Variants in PRMT3 observed in about 807,000 individuals in gnomAD.
The protein encoded by PRMT3 is protein arginine N-methyltransferase 3.
In PRMT3, 62 loss-of-function variants were observed where a neutral mutation model predicts 71.9. That is an observed-to-expected ratio of 0.86 (90% CI 0.70 to 1.07). The LOEUF (loss-of-function observed/expected upper bound fraction) is 1.07, where lower values mean the gene tolerates loss of function less well. Ranked by LOEUF, PRMT3 falls within the 50% of genes least tolerant of loss-of-function variation. The pLI is 0.00. For synonymous variants in PRMT3, 213 were observed against 220.4 expected, an observed-to-expected ratio of 0.97 and a Z score of 0.30; for missense variants, 663 against 643.0, an observed-to-expected ratio of 1.03 and a Z score of -0.34.
chr11:20,418,126 GA>G (rs141459935), intron 9 of PRMT3, among the ~76,000 whole-genome samples: 10,218 of 152,106 alleles, frequency 0.067, 1,086 homozygotes, highest in African/African-American at 0.23. Flanking sequence ...TTTCCCCTCA[GA>G]AAAAGTTGAT....
intron 10 of PRMT3, 57 bp downstream of exon 10, chr11:20,426,922 G>GTAATGAATAAGA (rs1849559937): frequency 6.8e-7 from 1 of 1,461,954 alleles, no homozygotes; most frequent in African/African-American, 1.5e-5. Flanking sequence ...CTTTTTTAAA[G>GTAATGAATAAGA]TAATAGTTTT....
chr11:20,496,643 CAT>C (rs753285938), intron 15 of PRMT3, among the ~76,000 whole-genome samples: 3 of 151,182 alleles, frequency 2.0e-5, no homozygotes, highest in East Asian at 3.9e-4. Context: ...GGGTCAATGT[CAT>C]ATAAAAGACA....
chr11:20,388,927 A>G (rs867311383), intron 2 of PRMT3, among the ~76,000 whole-genome samples: 8 of 152,178 alleles, frequency 5.3e-5, no homozygotes, highest in African/African-American at 1.9e-4. Context: ...TGTTCCCTGT[A>G]TCTGGGCATG....
chr11:20,502,154 C>T (rs774403241), intron 15 of PRMT3, among the ~76,000 whole-genome samples: 11 of 152,168 alleles, frequency 7.2e-5, no homozygotes, highest in African/African-American at 1.9e-4. Flanking sequence ...CAAGTCCATG[C>T]GGCTCAGCTC....
intron 9 of PRMT3, among the ~76,000 whole-genome samples, chr11:20,421,141 T>C (rs202246377): frequency 6.6e-6 from 1 of 152,192 alleles, no homozygotes; most frequent in East Asian, 1.9e-4. Context: ...CAGGCCCAAG[T>C]GATCCTCCTA....
intron 13 of PRMT3, among the ~76,000 whole-genome samples, chr11:20,465,627 TTC>T (rs1173055698): frequency 6.6e-6 from 1 of 152,010 alleles, no homozygotes; most frequent in East Asian, 1.9e-4. Flanking sequence ...TGAGGGAATC[TTC>T]TTTTAGTTGA....
At chr11:20,400,789 C>T (rs1035878460) in intron 7 of PRMT3, among the ~76,000 whole-genome samples, 1 of 151,646 alleles carries the variant, frequency 6.6e-6, no homozygotes, top group Admixed American at 6.6e-5. Context: ...TATCTTGCTC[C>T]TAAGTATTGG....
In PRMT3 at chr11:20,493,050, G is replaced by A. The variant is rs960275318; in HGVS notation, c.1348-869G>A. Reference sequence around the variant, plus strand: ...TGGTCCCATCTACTCAGGAGGCTGAGGCAGGAGAATCGCTTGAACCCAGGA... The same window carrying A: ...TGGTCCCATCTACTCAGGAGGCTGAAGCAGGAGAATCGCTTGAACCCAGGA... On this transcript the variant is annotated intron_variant, in intron 13 of 15. Transcript: ENST00000331079. Among the ~76,000 whole-genome samples, 10 of 152,242 alleles carry A rather than the reference G, an allele frequency of 6.6e-5. No individual in the cohort carries two copies. In the East Asian group the frequency reaches 1.9e-3, roughly 29 times the overall value.
chr11:20,476,458 T>C (rs758659817), intron 13 of PRMT3, among the ~76,000 whole-genome samples: 3 of 152,136 alleles, frequency 2.0e-5, no homozygotes, highest in Admixed American at 6.5e-5. Context: ...GAATGTAAAG[T>C]TTTAGAGATA....
At chr11:20,466,476 C>T (rs1239620417) in intron 13 of PRMT3, among the ~76,000 whole-genome samples, 6 of 152,160 alleles carry the variant, frequency 3.9e-5, no homozygotes. Context: ...CCAGGTAGGC[C>T]ATGTTCTCCT....
chr11:20,405,419 C>G (rs1312022192), intron 8 of PRMT3: 1 of 152,082 alleles, frequency 6.6e-6, no homozygotes, highest in Non-Finnish European at 1.5e-5. Flanking sequence ...TTTAGCTAAT[C>G]TGCTTGATCA....
intron 8 of PRMT3, among the ~76,000 whole-genome samples, chr11:20,404,216 T>TG (rs1565196752): frequency 0.018 from 236 of 13,358 alleles, 15 homozygotes; most frequent in African/African-American, 0.04. Flanking sequence ...TCATAGTTTT[T>TG]TTTTTTTTTT....
In PRMT3 at chr11:20,462,168, G is replaced by T; in HGVS notation, c.1260+1G>T. The T allele has an allele frequency of 6.4e-7, 1 of 1,572,844 alleles. No homozygotes were observed. The highest frequency in any genetic ancestry group is 8.7e-7 in the Non-Finnish European group (1 of 1,154,030). ...TATTTCAGAACCTTGTGGTATTAAG[G>T]TAGGTGTTTTACCAACTTTATTTTT... On this transcript the variant is annotated splice_donor_variant, in intron 12 of 15. Transcript: ENST00000331079. LOFTEE classifies it high-confidence loss of function.
intron 10 of PRMT3, among the ~76,000 whole-genome samples, chr11:20,439,165 G>A (rs1849828602): frequency 6.6e-6 from 1 of 152,210 alleles, no homozygotes; most frequent in South Asian, 2.1e-4. Context: ...TCCCTTGGGA[G>A]AGCACAGCTA....
chr11:20,411,351 CTAATTT>C (rs1335190241), intron 9 of PRMT3, among the ~76,000 whole-genome samples: 1 of 152,102 alleles, frequency 6.6e-6, no homozygotes, highest in African/African-American at 2.4e-5. Context: ...ATCTCGAACA[CTAATTT>C]TAATGTAGTG....
chr11:20,478,552 A>G (rs1850852793), intron 13 of PRMT3, among the ~76,000 whole-genome samples: 1 of 151,488 alleles, frequency 6.6e-6, no homozygotes, highest in South Asian at 2.1e-4. Context: ...AAAAAAAACT[A>G]CTTGATAAAT....
chr11:20,484,062 A>G (rs11025580), intron 13 of PRMT3, among the ~76,000 whole-genome samples: 11,890 of 152,254 alleles, frequency 0.078, 557 homozygotes, highest in East Asian at 0.2. Flanking sequence ...TTAATAAATC[A>G]TACTGATTTC....
At chr11:20,402,236 C>T (rs1848964768) in intron 7 of PRMT3, among the ~76,000 whole-genome samples, 1 of 152,108 alleles carries the variant, frequency 6.6e-6, no homozygotes, top group Non-Finnish European at 1.5e-5. Context: ...TCTCCTGCCT[C>T]AGCCTCCCCA....
intron 10 of PRMT3, among the ~76,000 whole-genome samples, chr11:20,445,225 T>C (rs1229985588): frequency 1.3e-5 from 2 of 152,100 alleles, no homozygotes; most frequent in African/African-American, 2.4e-5. Flanking sequence ...TATGAAAAAC[T>C]ATTGTCTTTT....
Sources: allele counts gnomAD v4.1 joint callset (sites outside exome capture counted in the v4.1 genomes callset), GRCh38; gene constraint gnomAD v4.1.1; transcripts MANE v1.5; gene names NCBI Gene and HGNC (gene_info 2026-07-23, HGNC 2026-07-21).